The following PSMG2 variants were observed in gnomAD, a reference collection of about 807,000 sequenced individuals.
The protein encoded by PSMG2 is CD40 ligand-activated specific transcript 3.
In PSMG2, 21 loss-of-function variants were observed where a neutral mutation model predicts 31.5. That is an observed-to-expected ratio of 0.67 (90% CI 0.47 to 0.96). The LOEUF (loss-of-function observed/expected upper bound fraction) is 0.96. PSMG2 is among the 40% of genes least tolerant of loss of function. The pLI, the probability that PSMG2 is intolerant of heterozygous loss-of-function variation, is 0.00. For missense variants in PSMG2, 318 were observed against 321.2 expected, an observed-to-expected ratio of 0.99 and a Z score of 0.08; for synonymous variants, 120 against 110.4, an observed-to-expected ratio of 1.09 and a Z score of -0.54.
At chr18:12,718,475 A>T (rs756659873) in intron 3 of PSMG2, 42 bp from the exon 4 acceptor site, 7 of 1,298,886 alleles carry the variant, frequency 5.4e-6, no homozygotes, top group Non-Finnish European at 7.6e-6. Flanking sequence ...CTCTAAGACT[A>T]ACTTTTAGAT....
chr18:12,697,101 T>C (rs2039983653), intron 1 of PSMG2: 1 of 692,614 alleles, frequency 1.4e-6, no homozygotes, highest in East Asian at 2.8e-5. Context: ...ATTGTAACTC[T>C]AACGAAATTC....
At chr18:12,684,464 C>T (rs1260021419) in intron 1 of PSMG2, 2 of 148,782 alleles carry the variant, frequency 1.3e-5, no homozygotes, top group Non-Finnish European at 3.0e-5. Context: ...GCTCTGTCAC[C>T]CAGGCTAAAG....
Position 12,667,760 on chromosome 18 carries a change from C to CA in PSMG2, c.-37+9004dup, listed in dbSNP as rs67167827. ...TGGGTGACAGAGCAAGACTCTTTCT[C>CA]AAAAAAAAAAAAAAAAAGAAAAGAA... On this transcript the variant is annotated intron_variant, in intron 1 of 6. Transcript: ENST00000585331. 8.1e-3 allele frequency among the ~76,000 whole-genome samples: 726 copies of CA among 89,782 alleles called. 5 individuals carry two copies. Among genetic ancestry groups the CA allele is most frequent in the South Asian group, 0.013 (33 of 2,468 alleles). 58.9% of individuals were successfully genotyped at this position (89,782 alleles called of 152,430 possible).
At chr18:12,674,698 G>A in intron 1 of PSMG2, 1 of 1,614,100 alleles carries the variant, frequency 6.2e-7, no homozygotes. Flanking sequence ...AGAAGCCAAA[G>A]CTGGTGATAA....
intron 2 of PSMG2, among the ~76,000 whole-genome samples, chr18:12,710,994 G>A (rs545478232): frequency 6.6e-6 from 1 of 152,214 alleles, no homozygotes; most frequent in Non-Finnish European, 1.5e-5. Flanking sequence ...CAGCTACTCA[G>A]GAGGCTGAGA....
intron 1 of PSMG2, among the ~76,000 whole-genome samples, chr18:12,696,452 G>A (rs915164920): frequency 2.6e-5 from 4 of 152,000 alleles, no homozygotes; most frequent in Admixed American, 6.6e-5. Flanking sequence ...GCAGTGAGCC[G>A]AGATTGCAGC....
intron 2 of PSMG2, among the ~76,000 whole-genome samples, chr18:12,711,662 T>C (rs2145139386): frequency 6.6e-6 from 1 of 152,194 alleles, no homozygotes; most frequent in South Asian, 2.1e-4. Context: ...TTGCAATCTG[T>C]TTATGGTAAC....
rs777606613 is a variant in PSMG2 at position 12,695,266 on chromosome 18, T to C, written c.-36-11284T>C. 22 of 1,498,116 alleles carry C rather than the reference T, an allele frequency of 1.5e-5. No homozygotes were observed. The Admixed American group carries it at 2.3e-4, about 16-fold the overall frequency. 92.8% of individuals were successfully genotyped at this position (1,498,116 alleles called of 1,614,324 possible). A position where few individuals can be genotyped will look rare whatever the true frequency, so the allele number is the denominator to read the frequency against. On this transcript the variant is annotated intron_variant, in intron 1 of 6. Coordinates refer to the PSMG2 transcript ENST00000585331. ...CATAAGTATTTACCTGTGTGTTCAC[T>C]ACTTCTTGAGATAACGTTTGATTGA... is the stretch of plus-strand genomic sequence containing the variant.
At chr18:12,678,522 C>T in intron 1 of PSMG2, 1 of 922,694 alleles carries the variant, frequency 1.1e-6, no homozygotes, top group Non-Finnish European at 1.6e-6. Flanking sequence ...TATTCTAACA[C>T]TTAAGGCCAT....
At chr18:12,686,157 G>T (rs1228032411) in intron 1 of PSMG2, 1 of 855,148 alleles carries the variant, frequency 1.2e-6, no homozygotes, top group African/African-American at 1.7e-5. Context: ...GGTACAGAGG[G>T]TTGACTATAT....
At chr18:12,704,289 C>G (rs575190978) in intron 1 of PSMG2, among the ~76,000 whole-genome samples, 21 of 152,144 alleles carry the variant, frequency 1.4e-4, no homozygotes, top group African/African-American at 4.8e-4. Context: ...AATATATATT[C>G]AGTCATTAAT....
At chr18:12,706,001 T>G (rs777456197) in intron 1 of PSMG2, among the ~76,000 whole-genome samples, 9 of 152,238 alleles carry the variant, frequency 5.9e-5, no homozygotes, top group Non-Finnish European at 1.0e-4. Flanking sequence ...TTTTACTGCA[T>G]TCCCAGTGCC....
chr18:12,673,170 C>G (rs544758342), intron 1 of PSMG2: 4 of 1,231,046 alleles, frequency 3.2e-6, no homozygotes, highest in Non-Finnish European at 2.1e-6. Flanking sequence ...GAGATTTATA[C>G]AAGTTTTTCA....
At chr18:12,687,901 T>TA (rs1369958556) in intron 1 of PSMG2, among the ~76,000 whole-genome samples, 1 of 152,030 alleles carries the variant, frequency 6.6e-6, no homozygotes. Flanking sequence ...AACTAAATAT[T>TA]AAAAGAATAT....
intron 4 of PSMG2, among the ~76,000 whole-genome samples, chr18:12,720,095 G>A (rs1467635715): frequency 3.3e-5 from 5 of 152,124 alleles, no homozygotes; most frequent in Admixed American, 2.6e-4. Context: ...CACCCAGGCT[G>A]GAGTGCAGTG....
At chr18:12,720,481 T>A (rs761631735) in intron 4 of PSMG2, 29 bp from the exon 5 acceptor site, 2 of 1,521,320 alleles carry the variant, frequency 1.3e-6, no homozygotes, top group Admixed American at 4.4e-5. Context: ...TTAGAGTTTT[T>A]AAAAAGTTAA....
At chr18:12,668,995 C>A (rs541862100) in intron 1 of PSMG2, among the ~76,000 whole-genome samples, 1 of 146,396 alleles carries the variant, frequency 6.8e-6, no homozygotes, top group East Asian at 2.0e-4. Context: ...CTGCCTCAGC[C>A]TCCCAATTAC....
At chr18:12,698,953 A>T (rs1382473216), upstream of PSMG2, 1 of 1,461,618 alleles carries the variant, frequency 6.8e-7, no homozygotes, top group East Asian at 2.3e-5. Context: ...TACTCAATTA[A>T]ATGACAATTT....
intron 1 of PSMG2, chr18:12,678,223 T>G: frequency 6.2e-7 from 1 of 1,614,148 alleles, no homozygotes; most frequent in Non-Finnish European, 8.5e-7. Flanking sequence ...ATGTTGTAGC[T>G]CCAGGAGCAC....
Sources: allele counts gnomAD v4.1 joint callset (sites outside exome capture counted in the v4.1 genomes callset), GRCh38; gene constraint gnomAD v4.1.1; transcripts MANE v1.5; gene names NCBI Gene and HGNC (gene_info 2026-07-23, HGNC 2026-07-21).